LAMA3: variants seen among roughly 807,000 people sequenced by gnomAD.
The protein encoded by LAMA3 is laminin subunit alpha 3.
Under a neutral mutation model 402.0 loss-of-function variants are expected in LAMA3, and 281 were observed. That is an observed-to-expected ratio of 0.70 (90% confidence interval 0.63 to 0.77). The LOEUF is 0.77. Ranked by LOEUF, LAMA3 falls within the 30% of genes least tolerant of loss-of-function variation. The pLI is 0.00. For synonymous variants in LAMA3, 1,431 were observed against 1,558.4 expected, an observed-to-expected ratio of 0.92 and a Z score of 1.93; for missense variants, 3,840 against 4,215.5, an observed-to-expected ratio of 0.91 and a Z score of 2.47.
intron 39 of LAMA3, 93 bp from the exon 40 acceptor site, chr18:23,881,843 G>A (rs2064904650): frequency 2.5e-6 from 2 of 798,488 alleles, no homozygotes; most frequent in Admixed American, 4.0e-5. Flanking sequence ...CAGAGGACTT[G>A]AGTTGTAGTC....
At chr18:23,755,945 C>T (rs1197616700) in intron 6 of LAMA3, among the ~76,000 whole-genome samples, 1 of 152,214 alleles carries the variant, frequency 6.6e-6, no homozygotes. Flanking sequence ...GCCAATGGGA[C>T]TCAGATGGGT....
chr18:23,806,758 C>G (rs1430436445), intron 12 of LAMA3, among the ~76,000 whole-genome samples: 1 of 152,164 alleles, frequency 6.6e-6, no homozygotes, highest in Non-Finnish European at 1.5e-5. Flanking sequence ...GATGAAGATT[C>G]TTGGTTTGGT....
intron 2 of LAMA3, among the ~76,000 whole-genome samples, chr18:23,721,406 G>A (rs961069248): frequency 1.7e-4 from 26 of 152,196 alleles, no homozygotes; most frequent in Middle Eastern, 3.4e-3. Context: ...ATGTTGCCCC[G>A]TGGGTCATCT....
intron 44 of LAMA3, among the ~76,000 whole-genome samples, chr18:23,896,430 G>A (rs982339575): frequency 6.6e-6 from 1 of 152,182 alleles, no homozygotes; most frequent in Admixed American, 6.5e-5. Flanking sequence ...TTGTGTTACT[G>A]GTTTCTAATT....
chr18:23,790,149 T>A (rs1387674448), intron 12 of LAMA3, among the ~76,000 whole-genome samples: 1 of 152,210 alleles, frequency 6.6e-6, no homozygotes, highest in Admixed American at 6.5e-5. Flanking sequence ...AGGAATTCTA[T>A]TGTATTCTTT....
chr18:23,899,316 T>G lies in LAMA3; in HGVS notation c.5865T>G (p.Asp1955Glu), dbSNP rs151037092. The change falls in exon 47 of 75, where the codon GAT becomes GAG. Residue 1955 changes from aspartate to glutamate, a missense_variant. Transcript: ENST00000313654. ...HILLKQISGT[D>E]GEGNNVPSGD... Reference sequence around the variant, plus strand: ...TTTTAAAGCAGATCTCTGGGACAGATGGAGAGGGAAACAACGTGCCTTCAG... The same window carrying G: ...TTTTAAAGCAGATCTCTGGGACAGAGGGAGAGGGAAACAACGTGCCTTCAG... 2.8e-5 allele frequency: 45 copies of G among 1,613,916 alleles called. No homozygotes were observed. Among genetic ancestry groups the G allele is most frequent in the Non-Finnish European group, 3.7e-5 (44 of 1,179,968 alleles).
chr18:23,939,843 C>T (rs546482219), intron 68 of LAMA3, among the ~76,000 whole-genome samples: 84 of 152,020 alleles, frequency 5.5e-4, no homozygotes, highest in Non-Finnish European at 1.1e-3. Flanking sequence ...TTTGGGGAGG[C>T]GGGAATGAGC....
Position 23,850,710 on chromosome 18 carries a change from G to A in LAMA3, c.4136+3042G>A, listed in dbSNP as rs553578034. ...AAGACAGCACATATATCTATTTATA[G>A]CGATGAAAAAGTAAATTTGCATCTG... On this transcript the variant is annotated intron_variant, in intron 32 of 74. Transcript: ENST00000313654. 9.9e-5 allele frequency among the ~76,000 whole-genome samples: 15 copies of A among 152,224 alleles called. No individual in the cohort carries two copies. In the South Asian group the frequency reaches 2.1e-3, roughly 21 times the overall value.
chr18:23,933,751 G>A, intron 66 of LAMA3, 31 bp from the exon 67 acceptor site: 1 of 1,613,020 alleles, frequency 6.2e-7, no homozygotes, highest in South Asian at 1.1e-5. Context: ...TCCAAGTTTG[G>A]CAGCATCTTT....
At chr18:23,709,782 TTTC>T (rs1324451820) in intron 1 of LAMA3, 1 of 604,112 alleles carries the variant, frequency 1.7e-6, no homozygotes, top group Admixed American at 2.0e-5. Flanking sequence ...TCTTTCTTTC[TTTC>T]TTTTTTTCTG....
chr18:23,858,083 C>G (rs2064127903), intron 33 of LAMA3, 95 bp downstream of exon 33: 1 of 1,421,308 alleles, frequency 7.0e-7, no homozygotes, highest in South Asian at 1.2e-5. Context: ...GGAAATGGGA[C>G]TGACCCGTAA....
At chr18:23,773,235 A>G (rs770023105) in intron 8 of LAMA3, among the ~76,000 whole-genome samples, 1 of 152,264 alleles carries the variant, frequency 6.6e-6, no homozygotes, top group African/African-American at 2.4e-5. Context: ...TTCTTCGATC[A>G]AGGATAAAGC....
chr18:23,860,190 C>T (rs1409886325), intron 34 of LAMA3, among the ~76,000 whole-genome samples: 1 of 151,614 alleles, frequency 6.6e-6, no homozygotes, highest in African/African-American at 2.4e-5. Context: ...CTCATTTTTA[C>T]TTCTCTTCTT....
intron 32 of LAMA3, among the ~76,000 whole-genome samples, chr18:23,850,914 C>A (rs1443314009): frequency 6.6e-6 from 1 of 152,218 alleles, no homozygotes; most frequent in African/African-American, 2.4e-5. Context: ...AAGGAGATGG[C>A]AGTCCACCTG....
intron 1 of LAMA3, 97 bp from the exon 2 acceptor site, chr18:23,713,823 T>A: frequency 1.8e-6 from 2 of 1,085,068 alleles, no homozygotes; most frequent in Non-Finnish European, 2.7e-6. Flanking sequence ...TAGTCTTTGT[T>A]TGGTTCCCTG....
At chr18:23,932,977 G>T (rs1044504344) in intron 66 of LAMA3, among the ~76,000 whole-genome samples, 1 of 152,126 alleles carries the variant, frequency 6.6e-6, no homozygotes, top group African/African-American at 2.4e-5. Context: ...TCTAATTCAG[G>T]GATTGGAGCA....
At chr18:23,843,302 C>T (rs1025359237) in intron 29 of LAMA3, among the ~76,000 whole-genome samples, 2 of 152,146 alleles carry the variant, frequency 1.3e-5, no homozygotes, top group Non-Finnish European at 2.9e-5. Flanking sequence ...GCGTATCTGC[C>T]TGGCCAGAGA....
intron 41 of LAMA3, among the ~76,000 whole-genome samples, chr18:23,889,135 G>C (rs1355391081): frequency 1.3e-5 from 2 of 150,686 alleles, no homozygotes; most frequent in Admixed American, 1.3e-4. Flanking sequence ...ATGCAGACTT[G>C]ACATAGTGCA....
chr18:23,691,554 T>TTA (rs1442891865), intron 1 of LAMA3, among the ~76,000 whole-genome samples: 1 of 152,204 alleles, frequency 6.6e-6, no homozygotes, highest in Non-Finnish European at 1.5e-5. Flanking sequence ...AGTTTAGCTC[T>TTA]TATAACAATT....
Sources: gnomAD v4.1 joint callset for allele counts (sites outside exome capture counted in the v4.1 genomes callset) on GRCh38, gnomAD v4.1.1 for gene constraint, MANE v1.5 for transcripts, NCBI Gene and HGNC (gene_info 2026-07-23, HGNC 2026-07-21) for gene names.